The following SPIDR variants were observed in gnomAD, a reference collection of about 807,000 sequenced individuals.
The protein encoded by SPIDR is scaffold protein involved in DNA repair, also known as DNA repair-scaffolding protein.
SPIDR carries 93 observed loss-of-function variants against 104.6 expected under a neutral mutation model. The ratio of observed to expected loss-of-function variants is 0.89; its 90% confidence interval spans 0.75 to 1.06. SPIDR has a LOEUF of 1.06. Ranked by LOEUF, SPIDR falls within the 50% of genes least tolerant of loss-of-function variation. SPIDR has a pLI of 0.00. For missense variants in SPIDR, 1,154 were observed against 1,111.2 expected, an observed-to-expected ratio of 1.04 and a Z score of -0.55; for synonymous variants, 431 against 416.9, an observed-to-expected ratio of 1.03 and a Z score of -0.41.
intron 5 of SPIDR, among the ~76,000 whole-genome samples, chr8:47,394,016 C>A (rs1442488467): frequency 6.6e-6 from 1 of 152,086 alleles, no homozygotes; most frequent in African/African-American, 2.4e-5. Context: ...AAGCCATTCT[C>A]CTGCCTCAGC....
intron 8 of SPIDR, among the ~76,000 whole-genome samples, chr8:47,570,247 G>A (rs1178733300): frequency 6.6e-6 from 1 of 152,166 alleles, no homozygotes; most frequent in East Asian, 1.9e-4. Context: ...AAATGTATTA[G>A]AAAGCCCTCT....
At position 47,550,981 on chromosome 8, in the gene SPIDR, G is replaced by A. The variant is rs534897776; in HGVS notation, c.1098-44830G>A. On this transcript the variant is annotated intron_variant, in intron 8 of 19. Transcript: ENST00000297423. ...TTATTGAGAGTTTTTAGCATGAAGCGTTGTTGAATTTTGTCAAAGGCCTTT... is the reference window on the plus strand; with the variant it reads ...TTATTGAGAGTTTTTAGCATGAAGCATTGTTGAATTTTGTCAAAGGCCTTT... 1.3e-4 allele frequency among the ~76,000 whole-genome samples: 20 copies of A among 152,206 alleles called. No individual in the cohort carries two copies. In the South Asian group the frequency reaches 2.1e-3, roughly 16 times the overall value.
At chr8:47,729,903 G>A (rs1284279075) in intron 19 of SPIDR, among the ~76,000 whole-genome samples, 2 of 152,130 alleles carry the variant, frequency 1.3e-5, no homozygotes, top group Non-Finnish European at 2.9e-5. Flanking sequence ...ATTTTTAGTA[G>A]AGATGGGGTT....
intron 8 of SPIDR, among the ~76,000 whole-genome samples, chr8:47,529,723 TTAAAA>T (rs1397062306): frequency 3.9e-5 from 6 of 152,334 alleles, no homozygotes; most frequent in Admixed American, 1.3e-4. Context: ...ATAAGTTTCT[TTAAAA>T]TAATAGCTAA....
chr8:47,320,075 GA>G (rs1185288027), intron 5 of SPIDR, among the ~76,000 whole-genome samples: 16 of 152,170 alleles, frequency 1.1e-4, no homozygotes, highest in African/African-American at 3.9e-4. Context: ...AAAGCTAGCA[GA>G]AGGCAAGAAA....
chr8:47,501,114 T>C (rs1468711812), intron 8 of SPIDR, among the ~76,000 whole-genome samples: 1 of 152,220 alleles, frequency 6.6e-6, no homozygotes, highest in African/African-American at 2.4e-5. Context: ...TAGGATTGAC[T>C]TGGGGATCCG....
Position 47,727,264 on chromosome 8 carries a change from C to T in SPIDR, c.2406C>T (p.Asn802=), listed in dbSNP as rs751498597. The T allele has an allele frequency of 2.6e-5, 42 of 1,613,910 alleles. No homozygotes were observed. Among genetic ancestry groups the T allele is most frequent in the Non-Finnish European group, 3.3e-5 (39 of 1,179,998 alleles). ...FSWPVCDMCG[N]GRLEQRPEDR... ...GGCCTGTGTGTGACATGTGTGGCAA[C>T]GGGAGATTGGAACAGAGGCCGGAAG... Residue 802 remains asparagine, a synonymous_variant, in exon 17 of 20, where the codon AAC becomes AAT. Transcript: ENST00000297423.
At chr8:47,331,998 T>C (rs28807975) in intron 5 of SPIDR, among the ~76,000 whole-genome samples, 2 of 94,158 alleles carry the variant, frequency 2.1e-5, no homozygotes, top group East Asian at 5.2e-4. Flanking sequence ...TCTTTTTTTT[T>C]TTTTTTTTTT....
intron 11 of SPIDR, among the ~76,000 whole-genome samples, chr8:47,690,794 G>A (rs1418847891): frequency 6.6e-6 from 1 of 152,134 alleles, no homozygotes; most frequent in Non-Finnish European, 1.5e-5. Flanking sequence ...ACTCCAGCCT[G>A]GGTGACAAGG....
At chr8:47,273,036 G>A (rs2035653092) in intron 1 of SPIDR, among the ~76,000 whole-genome samples, 4 of 152,164 alleles carry the variant, frequency 2.6e-5, no homozygotes, top group African/African-American at 9.7e-5. Context: ...ATGCCCAGAT[G>A]TGTGGGGTGT....
chr8:47,671,353 G>A (rs2075769634), intron 10 of SPIDR, among the ~76,000 whole-genome samples: 1 of 152,152 alleles, frequency 6.6e-6, no homozygotes, highest in Non-Finnish European at 1.5e-5. Context: ...GGGAGACCGA[G>A]GTAGGCAGAT....
chr8:47,270,602 T>A (rs1399486858), intron 1 of SPIDR, among the ~76,000 whole-genome samples: 3 of 152,168 alleles, frequency 2.0e-5, no homozygotes, highest in Non-Finnish European at 4.4e-5. Context: ...CTTTTTTTTT[T>A]ATATTCTTTG....
chr8:47,305,568 G>A (rs2042958769), intron 5 of SPIDR, among the ~76,000 whole-genome samples: 2 of 152,022 alleles, frequency 1.3e-5, no homozygotes, highest in Admixed American at 6.6e-5. Flanking sequence ...GTACTACATG[G>A]GAGTGTATTA....
intron 10 of SPIDR, among the ~76,000 whole-genome samples, chr8:47,604,649 G>A (rs578003773): frequency 2.6e-5 from 4 of 152,322 alleles, no homozygotes; most frequent in African/African-American, 9.6e-5. Flanking sequence ...GTTGGGGGAG[G>A]AGCAAAGTAG....
At chr8:47,545,933 T>C (rs1356126106) in intron 8 of SPIDR, among the ~76,000 whole-genome samples, 1 of 152,202 alleles carries the variant, frequency 6.6e-6, no homozygotes, top group African/African-American at 2.4e-5. Context: ...ATTACATAGA[T>C]TGATTTTCAA....
At chr8:47,436,326 A>G (rs1410619392) in intron 7 of SPIDR, among the ~76,000 whole-genome samples, 3 of 152,210 alleles carry the variant, frequency 2.0e-5, no homozygotes, top group African/African-American at 4.8e-5. Flanking sequence ...AGTTATGGAA[A>G]ATGTTGCCTG....
At chr8:47,497,154 C>A (rs1756143898) in intron 8 of SPIDR, among the ~76,000 whole-genome samples, 1 of 152,058 alleles carries the variant, frequency 6.6e-6, no homozygotes, top group South Asian at 2.1e-4. Flanking sequence ...TCTTTTCAAA[C>A]AACCATCTTT....
intron 7 of SPIDR, among the ~76,000 whole-genome samples, chr8:47,409,726 T>A (rs570194553): frequency 9.8e-5 from 15 of 152,368 alleles, no homozygotes; most frequent in African/African-American, 3.6e-4. Flanking sequence ...TCTCATTTAT[T>A]CCTTTTAAAA....
intron 16 of SPIDR, among the ~76,000 whole-genome samples, chr8:47,716,382 T>G (rs1172276664): frequency 2.0e-5 from 3 of 152,200 alleles, no homozygotes; most frequent in Non-Finnish European, 2.9e-5. Flanking sequence ...CTCTTGTGAT[T>G]CCATTGTTGC....
Sources: gnomAD v4.1 joint callset for allele counts (sites outside exome capture counted in the v4.1 genomes callset) on GRCh38, gnomAD v4.1.1 for gene constraint, MANE v1.5 for transcripts, NCBI Gene and HGNC (gene_info 2026-07-23, HGNC 2026-07-21) for gene names.